The following TCF25 variants were observed in gnomAD, a reference collection of about 807,000 sequenced individuals.
TCF25 encodes the protein ribosome quality control complex subunit TCF25.
A neutral mutation model predicts 83.1 loss-of-function variants in TCF25; 41 were observed. That is an observed-to-expected ratio of 0.49 (90% CI 0.38 to 0.64). TCF25 has a LOEUF of 0.64. Ranked by LOEUF, TCF25 falls within the 30% of genes least tolerant of loss-of-function variation. The probability of loss-of-function intolerance (pLI) is 0.00; values close to 1 mark genes in which losing one functional copy is unlikely to be tolerated. For missense variants in TCF25, 979 were observed against 914.5 expected (o/e 1.07, Z -0.91); for synonymous variants, 458 against 365.0 (o/e 1.25, Z -2.90).
chr16:89,894,336 C>T (rs2043663794), intron 7 of TCF25, among the ~76,000 whole-genome samples: 1 of 144,096 alleles, frequency 6.9e-6, no homozygotes, highest in Non-Finnish European at 1.5e-5. Context: ...CCTCATGCAG[C>T]CCCTGGACAG....
At chr16:89,888,964 G>A (rs1037915818) in intron 5 of TCF25, among the ~76,000 whole-genome samples, 2 of 151,302 alleles carry the variant, frequency 1.3e-5, no homozygotes, top group African/African-American at 2.4e-5. Context: ...TGGGATTACA[G>A]GCGTGAGCCA....
rs1374641229 is a variant in TCF25, at chr16:89,883,338, C to T, written c.193-13C>T. On this transcript the variant is annotated splice_polypyrimidine_tract_variant and intron_variant, in intron 1 of 17. Transcript: ENST00000263346. ...AAGTAACGCCCTGGCTCTTCTCCAA[C>T]CTGTTTTTCCAGATAAACATTGACG... The T allele has an allele frequency of 2.5e-6, 4 of 1,611,992 alleles. No individual in the cohort carries two copies. The highest frequency in any genetic ancestry group is 2.2e-5 in the South Asian group (2 of 91,026).
intron 1 of TCF25, among the ~76,000 whole-genome samples, chr16:89,880,779 G>C (rs1009637115): frequency 6.6e-6 from 1 of 152,172 alleles, no homozygotes; most frequent in African/African-American, 2.4e-5. Context: ...ATCATTAGTT[G>C]AATGTTGGAG....
At chr16:89,908,567 T>C (rs62636103) in intron 16 of TCF25, among the ~76,000 whole-genome samples, 216 of 2,846 alleles carry the variant, frequency 0.076, no homozygotes, top group Middle Eastern at 0.12. Context: ...TTCCCACCTC[T>C]TTCCTCGCAG....
At chr16:89,903,940 C>T (rs916310729) in intron 12 of TCF25, among the ~76,000 whole-genome samples, 178 bp from the exon 13 acceptor site, 1 of 152,160 alleles carries the variant, frequency 6.6e-6, no homozygotes, top group Non-Finnish European at 1.5e-5. Context: ...ACCCTGGGCA[C>T]GCCAGCAGCA....
chr16:89,903,441 CA>C (rs2044512388), intron 12 of TCF25, among the ~76,000 whole-genome samples: 2 of 152,372 alleles, frequency 1.3e-5, no homozygotes, highest in South Asian at 4.1e-4. Context: ...GAGGCCGAGG[CA>C]GGAGGATCGC....
intron 7 of TCF25, 124 bp downstream of exon 7, chr16:89,893,982 G>A (rs527560570): frequency 3.6e-5 from 51 of 1,402,250 alleles, no homozygotes; most frequent in East Asian, 3.5e-4. Context: ...CAGGAAGGGT[G>A]CCAGTCTCTG....
rs769660625 is a variant in TCF25, at chr16:89,898,681, C to T, written c.1115+32C>T. On this transcript the variant is annotated intron_variant, in intron 10 of 17. Coordinates refer to ENST00000263346, the MANE Select transcript of TCF25 (RefSeq NM_014972.3). Reference sequence around the variant, plus strand: ...GTCTGCTCAGGGCCAAGCCCGTCCACGCTCCCTGTCCTGGCTGCAGGCCCA... The same window carrying T: ...GTCTGCTCAGGGCCAAGCCCGTCCATGCTCCCTGTCCTGGCTGCAGGCCCA... 4.3e-6 allele frequency: 7 copies of T among 1,612,040 alleles called. No homozygotes were observed. The Admixed American group carries it at 6.7e-5, about 15-fold the overall frequency.
chr16:89,895,204 G>A (rs569975602), intron 8 of TCF25, 67 bp downstream of exon 8: 36 of 1,406,764 alleles, frequency 2.6e-5, no homozygotes, highest in Admixed American at 1.3e-4. Flanking sequence ...AGACAGATGC[G>A]ATGGTGTAAG....
At chr16:89,887,794 A>G in intron 5 of TCF25, 77 bp downstream of exon 5, 1 of 1,381,834 alleles carries the variant, frequency 7.2e-7, no homozygotes, top group South Asian at 1.4e-5. Flanking sequence ...GGTGTTCCTG[A>G]AGCTAGTTTA....
At chr16:89,895,233 A>C in intron 8 of TCF25, 96 bp downstream of exon 8, 1 of 1,149,376 alleles carries the variant, frequency 8.7e-7, no homozygotes, top group South Asian at 1.4e-5. Context: ...GGTTGCCAGG[A>C]TATCCATGAC....
intron 12 of TCF25, 47 bp from the exon 13 acceptor site, chr16:89,904,071 T>G: frequency 6.4e-7 from 1 of 1,567,994 alleles, no homozygotes. Context: ...TAGGAGTGGC[T>G]GGGGTGTGTG....
intron 17 of TCF25, 55 bp from the exon 18 acceptor site, chr16:89,911,025 G>C: frequency 6.3e-7 from 1 of 1,598,508 alleles, no homozygotes; most frequent in Non-Finnish European, 8.5e-7. Flanking sequence ...TTGGGCCCCG[G>C]GCCCCTAGTC....
intron 11 of TCF25, among the ~76,000 whole-genome samples, chr16:89,899,377 T>G (rs1302832048): frequency 6.6e-6 from 1 of 152,098 alleles, no homozygotes; most frequent in Non-Finnish European, 1.5e-5. Context: ...ATAATTTCGG[T>G]GTATTGGGTT....
chr16:89,879,453 G>A (rs561260827), intron 1 of TCF25, among the ~76,000 whole-genome samples: 123 of 126,278 alleles, frequency 9.7e-4, no homozygotes, highest in African/African-American at 3.6e-3. Context: ...CGTGTTGTCC[G>A]TGTACACAGA....
intron 12 of TCF25, chr16:89,901,118 G>T: frequency 4.2e-6 from 1 of 239,382 alleles, no homozygotes; most frequent in Non-Finnish European, 8.4e-6. Context: ...GCAAAGCAGG[G>T]GAAGGTCTCG....
At chr16:89,889,205 ATTTTT>A in intron 5 of TCF25, 1 of 397,060 alleles carries the variant, frequency 2.5e-6, no homozygotes, top group Non-Finnish European at 4.9e-6. Context: ...TTATTTATTT[ATTTTT>A]ATTTTTTTAT....
At chr16:89,908,709 A>G (rs373116693) in intron 16 of TCF25, among the ~76,000 whole-genome samples, 548 of 4,736 alleles carry the variant, frequency 0.12, 32 homozygotes, top group East Asian at 0.48. Flanking sequence ...CCCAGCTCCC[A>G]CCTCCCGGCT....
At chr16:89,885,135 C>G (rs1010232792) in intron 3 of TCF25, among the ~76,000 whole-genome samples, 1 of 152,082 alleles carries the variant, frequency 6.6e-6, no homozygotes, top group East Asian at 1.9e-4. Flanking sequence ...TCTCTCCATT[C>G]TCTTCTGGCT....
Sources: allele counts gnomAD v4.1 joint callset (sites outside exome capture counted in the v4.1 genomes callset), GRCh38; gene constraint gnomAD v4.1.1; transcripts MANE v1.5; gene names NCBI Gene and HGNC (gene_info 2026-07-23, HGNC 2026-07-21).